IGFBP4: variants seen among roughly 807,000 people sequenced by gnomAD.
The protein encoded by IGFBP4 is insulin-like growth factor-binding protein 4.
A neutral mutation model predicts 25.8 loss-of-function variants in IGFBP4; 9 were observed. That is an observed-to-expected ratio of 0.35 (90% CI 0.21 to 0.61). The LOEUF (loss-of-function observed/expected upper bound fraction) is 0.61, where lower values mean the gene tolerates loss of function less well. Ranked by LOEUF, IGFBP4 falls within the 20% of genes least tolerant of loss-of-function variation. IGFBP4 has a pLI of 0.77. For missense variants in IGFBP4, 315 were observed against 365.3 expected (o/e 0.86, Z 1.12); for synonymous variants, 153 against 153.9 (o/e 0.99, Z 0.05).
At chr17:40,444,914 CACACACACACACAGAG>C (rs2035633418) in intron 1 of IGFBP4, among the ~76,000 whole-genome samples, 8 of 87,896 alleles carry the variant, frequency 9.1e-5, no homozygotes, top group African/African-American at 3.3e-4. Context: ...CACACACACA[CACACACACACACAGAG>C]ACAGAGAGAG....
chr17:40,452,872 C>A, intron 1 of IGFBP4, 113 bp from the exon 2 acceptor site: 1 of 861,720 alleles, frequency 1.2e-6, no homozygotes, highest in Non-Finnish European at 1.7e-6. Flanking sequence ...CTGCTCTTCT[C>A]CAGCGCCAAG....
At position 40,443,715 on chromosome 17, in the gene IGFBP4, G is replaced by T; in HGVS notation, c.-21G>T. 1 of 1,357,532 alleles carries T rather than the reference G, an allele frequency of 7.4e-7. No homozygotes were observed. The highest frequency in any genetic ancestry group is 9.4e-7 in the Non-Finnish European group (1 of 1,060,088). 84.1% of individuals were successfully genotyped at this position (1,357,532 alleles called of 1,614,324 possible). Reference sequence around the variant, plus strand: ...CGCCTGCGCCCAGCGCCCCGCGCCCGCGCCCAGTCCTCGGGCGGTCATGCT... The same window carrying T: ...CGCCTGCGCCCAGCGCCCCGCGCCCTCGCCCAGTCCTCGGGCGGTCATGCT... On this transcript the variant is annotated 5_prime_UTR_variant, in exon 1 of 4. Coordinates refer to ENST00000269593, the MANE Select transcript of IGFBP4 (RefSeq NM_001552.3).
chr17:40,443,719 C>T lies in IGFBP4; in HGVS notation c.-17C>T. The T allele has an allele frequency of 7.3e-7, 1 of 1,379,062 alleles. No individual in the cohort carries two copies. The highest frequency in any genetic ancestry group is 9.3e-7 in the Non-Finnish European group (1 of 1,073,540). The allele number at this position is 1,379,062 out of a possible 1,614,324, so 85.4% of individuals were successfully genotyped here. On this transcript the variant is annotated 5_prime_UTR_variant, in exon 1 of 4. Coordinates refer to ENST00000269593, the MANE Select transcript of IGFBP4 (RefSeq NM_001552.3). ...TGCGCCCAGCGCCCCGCGCCCGCGC[C>T]CAGTCCTCGGGCGGTCATGCTGCCC...
At chr17:40,454,117 G>A (rs1216921166) in intron 3 of IGFBP4, 55 bp downstream of exon 3, 27 of 1,576,084 alleles carry the variant, frequency 1.7e-5, no homozygotes, top group South Asian at 7.0e-5. Context: ...GGGCATTTCC[G>A]GCCTCTCCGC....
At chr17:40,444,922 CACACAGAGACAGAGAGAGAGAGAGAGAG>C (rs1219110309) in intron 1 of IGFBP4, among the ~76,000 whole-genome samples, 28 of 84,196 alleles carry the variant, frequency 3.3e-4, no homozygotes, top group Non-Finnish European at 4.6e-4. Context: ...CACACACACA[CACACAGAGACAGAGAGAGAGAGAGAGAG>C]AGAGAGAGAG....
chr17:40,443,872 A>T lies in IGFBP4; in HGVS notation c.137A>T (p.Glu46Val). The T allele has an allele frequency of 2.0e-6, 3 of 1,530,980 alleles. No homozygotes were observed. Among genetic ancestry groups the T allele is most frequent in the Non-Finnish European group, 2.6e-6 (3 of 1,144,702 alleles). The allele number at this position is 1,530,980 out of a possible 1,614,324, so 94.8% of individuals were successfully genotyped here. The change falls in exon 1 of 4, where the codon GAG (glutamate) becomes GTG (valine). Residue 46 changes from glutamate to valine, a missense_variant. Transcript: ENST00000269593. ...TGCCGCCCCCCCGTGGGCTGCGAGG[A>T]GCTGGTGCGAGAGCCGGGCTGCGGC... ...ARCRPPVGCEELVREPGCGCC... is the reference protein window; with the variant it reads ...ARCRPPVGCEVLVREPGCGCC...
chr17:40,451,404 C>T (rs2035681493), intron 1 of IGFBP4, among the ~76,000 whole-genome samples: 1 of 152,166 alleles, frequency 6.6e-6, no homozygotes, highest in East Asian at 1.9e-4. Context: ...TTAGATTCCT[C>T]CTTGCCTGGT....
chr17:40,454,082 T>A lies in IGFBP4; in HGVS notation c.642+20T>A, dbSNP rs1380080714. On this transcript the variant is annotated intron_variant, in intron 3 of 3. Coordinates refer to ENST00000269593, the MANE Select transcript of IGFBP4 (RefSeq NM_001552.3). ...AAGCAGGTGGGTCTCTGTCTCCCGC[T>A]GGCTTGGCCCTGGACTCAGCTCTGG... 2.5e-6 allele frequency: 4 copies of A among 1,609,770 alleles called. No homozygotes were observed. In the East Asian group the frequency reaches 9.0e-5, roughly 36 times the overall value.
intron 1 of IGFBP4, among the ~76,000 whole-genome samples, chr17:40,444,932 C>CAGAGAG (rs10603634): frequency 0.013 from 987 of 75,152 alleles, 19 homozygotes; most frequent in African/African-American, 0.029. Flanking sequence ...CACACAGAGA[C>CAGAGAG]AGAGAGAGAG....
Position 40,456,740 on chromosome 17 carries a change from C to CGTGTGT in IGFBP4, c.*164_*169dup, listed in dbSNP as rs143529403. ...GCGTGTGCACGTGTGCGTGTGCGTGCGTGTGTGTGTGTTTGTGAGCATGGG... is the reference window on the plus strand; with the variant it reads ...GCGTGTGCACGTGTGCGTGTGCGTGCGTGTGTGTGTGTGTGTGTTTGTGAGCATGGG... On this transcript the variant is annotated 3_prime_UTR_variant, in exon 4 of 4. Coordinates refer to ENST00000269593, the MANE Select transcript of IGFBP4 (RefSeq NM_001552.3). The CGTGTGT allele has an allele frequency of 8.9e-6, 6 of 677,548 alleles. No homozygotes were observed. The highest frequency in any genetic ancestry group is 6.1e-5 in the Admixed American group (2 of 32,564). 42.0% of individuals were successfully genotyped at this position (677,548 alleles called of 1,614,324 possible). A position where few individuals can be genotyped will look rare whatever the true frequency, so the allele number is the denominator to read the frequency against.
chr17:40,456,285 T>C (rs968557649), intron 3 of IGFBP4, among the ~76,000 whole-genome samples, 164 bp from the exon 4 acceptor site: 1 of 152,028 alleles, frequency 6.6e-6, no homozygotes, highest in Non-Finnish European at 1.5e-5. Context: ...CCTGCTCCAG[T>C]GAGCTCAGAA....
chr17:40,444,926 C>CACAG (rs1456516087), intron 1 of IGFBP4, among the ~76,000 whole-genome samples: 21 of 62,770 alleles, frequency 3.3e-4, no homozygotes, highest in African/African-American at 5.4e-4. Context: ...CACACACACA[C>CACAG]AGAGACAGAG....
intron 1 of IGFBP4, among the ~76,000 whole-genome samples, chr17:40,445,342 T>A (rs1334749517): frequency 6.6e-6 from 1 of 152,226 alleles, no homozygotes; most frequent in Non-Finnish European, 1.5e-5. Context: ...TCTCATTCCA[T>A]CTCCGACCCT....
intron 3 of IGFBP4, among the ~76,000 whole-genome samples, chr17:40,455,219 A>G (rs1011928192): frequency 1.3e-5 from 2 of 152,184 alleles, no homozygotes; most frequent in East Asian, 3.8e-4. Flanking sequence ...CATTATTAAC[A>G]TCTTACATTT....
chr17:40,447,884 T>C (rs946656994), intron 1 of IGFBP4, among the ~76,000 whole-genome samples: 1 of 152,034 alleles, frequency 6.6e-6, no homozygotes, highest in African/African-American at 2.4e-5. Flanking sequence ...AGGGAGCAAA[T>C]TTGGGGCAAC....
At position 40,453,054 on chromosome 17, in the gene IGFBP4, A is replaced by T. The variant is rs764525414; in HGVS notation, c.419A>T (p.Gln140Leu). The T allele has an allele frequency of 1.2e-6, 2 of 1,602,174 alleles. No homozygotes were observed. Among genetic ancestry groups the T allele is most frequent in the Non-Finnish European group, 1.7e-6 (2 of 1,174,274 alleles). Residue 140 changes from glutamine (Q) to leucine (L), a missense_variant, in exon 2 of 4, where the codon CAG becomes CTG. Gln to Leu is a moderately radical substitution (Grantham distance 113). Coordinates refer to ENST00000269593, the MANE Select transcript of IGFBP4 (RefSeq NM_001552.3). This position sits in a 1 kb window ranked among gnomAD's most constrained non-coding sequence, Gnocchi z 4.0. ...PCSAHDRRCL[Q>L]KHFAKIRDRS... ...AGCGCCCATGACCGCAGGTGCCTGC[A>T]GAAGCACTTCGCCAAAATTCGAGAC...
chr17:40,452,057 C>G (rs544634884), intron 1 of IGFBP4, among the ~76,000 whole-genome samples: 1 of 152,116 alleles, frequency 6.6e-6, no homozygotes, highest in Admixed American at 6.5e-5. Flanking sequence ...AGGCTGGTCT[C>G]GAACTCCTGG....
At chr17:40,449,354 G>A (rs2035668552) in intron 1 of IGFBP4, among the ~76,000 whole-genome samples, 3 of 152,120 alleles carry the variant, frequency 2.0e-5, no homozygotes, top group African/African-American at 2.4e-5. Flanking sequence ...TGTGGCTCAC[G>A]CCTGTAATCC....
At chr17:40,455,987 G>A (rs978396412) in intron 3 of IGFBP4, among the ~76,000 whole-genome samples, 2 of 152,070 alleles carry the variant, frequency 1.3e-5, no homozygotes, top group African/African-American at 4.8e-5. Flanking sequence ...TATCCCAATT[G>A]TGTTTTTACC....
Sources: allele counts gnomAD v4.1 joint callset (sites outside exome capture counted in the v4.1 genomes callset), GRCh38; gene constraint gnomAD v4.1.1; non-coding constraint Gnocchi (gnomAD v3.1); transcripts MANE v1.5; gene names NCBI Gene and HGNC (gene_info 2026-07-23, HGNC 2026-07-21).